The following NCF2 variants were observed in gnomAD, a reference collection of about 807,000 sequenced individuals.
NCF2 encodes neutrophil cytosol factor 2.
Under a neutral mutation model 70.9 loss-of-function variants are expected in NCF2, and 45 were observed. The ratio of observed to expected loss-of-function variants is 0.63; its 90% CI spans 0.50 to 0.81. NCF2 has a LOEUF of 0.81. Among genes scored for constraint, NCF2 ranks in the 40% least tolerant of loss-of-function variants. The pLI is 0.00. For synonymous variants in NCF2, 203 were observed against 233.6 expected (o/e 0.87, Z 1.19); for missense variants, 522 against 631.6 (o/e 0.83, Z 1.86).
the NCF2 span, among the ~76,000 whole-genome samples, chr1:183,599,422 C>CTTT: frequency 2.0e-3 from 265 of 135,432 alleles, no homozygotes; most frequent in Middle Eastern, 3.8e-3. Flanking sequence ...TTCTTTCTTT[C>CTTT]CTTCTTTCTT....
At chr1:183,589,225 A>G (rs1268017742) in intron 1 of NCF2, among the ~76,000 whole-genome samples, 1 of 152,248 alleles carries the variant, frequency 6.6e-6, no homozygotes, top group Non-Finnish European at 1.5e-5. Context: ...GGAGTCAACC[A>G]CTGCCACACC....
chr1:183,571,408 C>T (rs559310079), intron 5 of NCF2, among the ~76,000 whole-genome samples: 7 of 152,174 alleles, frequency 4.6e-5, no homozygotes, highest in Non-Finnish European at 7.4e-5. Flanking sequence ...TGAGCCACCA[C>T]GCCCAGCCCA....
At chr1:183,566,135 T>G (rs1672289321) in intron 9 of NCF2, among the ~76,000 whole-genome samples, 1 of 152,262 alleles carries the variant, frequency 6.6e-6, no homozygotes, top group Non-Finnish European at 1.5e-5. Context: ...ATTCCACTTC[T>G]CATTTGCAAG....
chr1:183,587,529 G>A (rs1673413079), intron 1 of NCF2, among the ~76,000 whole-genome samples: 1 of 141,892 alleles, frequency 7.0e-6, no homozygotes, highest in African/African-American at 2.5e-5. Flanking sequence ...AGGAGGTGGA[G>A]ACTGCCGTGA....
intron 2 of NCF2, among the ~76,000 whole-genome samples, chr1:183,585,624 C>CAAAAA (rs750881920): frequency 5.2e-5 from 6 of 114,600 alleles, no homozygotes; most frequent in African/African-American, 2.7e-4. Context: ...AACTCCGTCT[C>CAAAAA]AAAAAAAAAA....
upstream of NCF2, among the ~76,000 whole-genome samples, chr1:183,591,337 T>C (rs1673634707): frequency 1.3e-5 from 2 of 152,232 alleles, no homozygotes; most frequent in South Asian, 4.1e-4. Flanking sequence ...TTCTTTCCAG[T>C]CTTGAATGAA....
At chr1:183,558,561 C>T (rs1455069681) in intron 14 of NCF2, among the ~76,000 whole-genome samples, 7 of 150,942 alleles carry the variant, frequency 4.6e-5, no homozygotes, top group African/African-American at 1.5e-4. Context: ...ATCCACTGCA[C>T]CCGGCCTATT....
intron 13 of NCF2, 148 bp downstream of exon 13, chr1:183,563,047 A>T: frequency 1.3e-6 from 1 of 750,572 alleles, no homozygotes; most frequent in East Asian, 2.8e-5. Context: ...GATGCAGGTA[A>T]AAGGGAGGCA....
Position 183,566,503 on chromosome 1 carries a change from CA to C in NCF2, c.924+416del, listed in dbSNP as rs533510036. On this transcript the variant is annotated intron_variant, in intron 9 of 14. Transcript: ENST00000367535. ...AAGTGATCCTCTCACCTCAGCCTTC[CA>C]AAGTGCTAGGATTACAGCCATGAGC... Among the ~76,000 whole-genome samples, 15 of 152,330 alleles carry C rather than the reference CA, an allele frequency of 9.8e-5. No homozygotes were observed. The South Asian group carries it at 3.1e-3, about 32-fold the overall frequency.
Position 183,583,621 on chromosome 1 carries a change from C to G in NCF2, c.257+3274G>C, listed in dbSNP as rs144819622. On this transcript the variant is annotated intron_variant, in intron 2 of 14. Coordinates refer to ENST00000367535, the MANE Select transcript of NCF2 (RefSeq NM_000433.4). Reference sequence around the variant, plus strand: ...AGCATGAGTAAGTAAAGATTTCTTACGAAATTCGTAGAGTAGTGGAGAAGA... The same window carrying G: ...AGCATGAGTAAGTAAAGATTTCTTAGGAAATTCGTAGAGTAGTGGAGAAGA... Among the ~76,000 whole-genome samples the G allele has an allele frequency of 7.4e-4, 112 of 152,268 alleles. 1 individual carries two copies. Among genetic ancestry groups the G allele is most frequent in the Non-Finnish European group, 3.5e-4 (24 of 68,008 alleles).
At chr1:183,556,410 G>A (rs1200814499) in intron 14 of NCF2, among the ~76,000 whole-genome samples, 180 bp from the exon 15 acceptor site, 1 of 152,174 alleles carries the variant, frequency 6.6e-6, no homozygotes, top group Non-Finnish European at 1.5e-5. Context: ...CCATCTTATT[G>A]ATCTGTCTTA....
intron 13 of NCF2, 134 bp from the exon 14 acceptor site, chr1:183,560,407 G>A: frequency 2.0e-6 from 2 of 1,024,606 alleles, no homozygotes; most frequent in East Asian, 2.4e-5. Context: ...AGTGCCTTGT[G>A]TAGAGCTTAT....
At chr1:183,595,206 G>A (rs141948328), upstream of NCF2, among the ~76,000 whole-genome samples, 14 of 152,278 alleles carry the variant, frequency 9.2e-5, no homozygotes, top group South Asian at 1.5e-3. Flanking sequence ...TTGAGTACAA[G>A]ACAGGAAACC....
intron 5 of NCF2, among the ~76,000 whole-genome samples, chr1:183,571,478 A>C (rs1672560489): frequency 6.6e-6 from 1 of 152,160 alleles, no homozygotes; most frequent in East Asian, 1.9e-4. Flanking sequence ...ATGCTGTGCA[A>C]CTACTGCCTC....
At chr1:183,561,472 C>A (rs1187347452) in intron 13 of NCF2, among the ~76,000 whole-genome samples, 1 of 152,100 alleles carries the variant, frequency 6.6e-6, no homozygotes, top group African/African-American at 2.4e-5. Flanking sequence ...TAGAAGAATT[C>A]AATGAGATGA....
intron 4 of NCF2, among the ~76,000 whole-genome samples, chr1:183,574,176 A>C (rs998605695): frequency 6.6e-6 from 1 of 152,204 alleles, no homozygotes; most frequent in South Asian, 2.1e-4. Flanking sequence ...TCAAGCAGAC[A>C]TGGACTCTGC....
chr1:183,574,686 C>A, intron 3 of NCF2, 65 bp from the exon 4 acceptor site: 3 of 1,577,540 alleles, frequency 1.9e-6, no homozygotes, highest in Non-Finnish European at 2.6e-6. Context: ...CAGGGAAAGG[C>A]TCACACGTAT....
the NCF2 span, among the ~76,000 whole-genome samples, chr1:183,600,870 C>T: frequency 1.3e-5 from 2 of 152,200 alleles, no homozygotes; most frequent in Non-Finnish European, 2.9e-5. Context: ...TGACAGCACA[C>T]ACCAGGGCCA....
rs143901397 is a variant in NCF2, at chr1:183,556,147, C to G, written c.1552G>C (p.Asp518His). Residue 518 changes from aspartate to histidine, a missense_variant, in exon 15 of 15, where the codon GAT becomes CAT. Physicochemically the swap from Asp to His is moderately conservative, Grantham distance 81. Coordinates refer to ENST00000367535, the MANE Select transcript of NCF2 (RefSeq NM_000433.4). ...KVFVEDCATT[D>H]LESTRREV ...ACTTCTCTCCGAGTGCTTTCCAAAT[C>G]TGTAGTTGCGCAGTCTTCAACAAAA... The G allele has an allele frequency of 2.9e-4, 464 of 1,614,180 alleles. 2 individuals are homozygous for G. In the African/African-American group the frequency reaches 4.3e-3, roughly 15 times the overall value.
Sources: allele counts gnomAD v4.1 joint callset (sites outside exome capture counted in the v4.1 genomes callset), GRCh38; gene constraint gnomAD v4.1.1; transcripts MANE v1.5; gene names NCBI Gene and HGNC (gene_info 2026-07-23, HGNC 2026-07-21).